Variants in PSD3 observed in about 807,000 individuals in gnomAD.
The protein encoded by PSD3 is pleckstrin and Sec7 domain containing 3, also known as PH and SEC7 domain-containing protein 3.
In PSD3, 49 loss-of-function variants were observed where a neutral mutation model predicts 105.5. The observed-to-expected ratio is 0.46, with a 90% CI of 0.37 to 0.59. PSD3 has a LOEUF of 0.59. Ranked by LOEUF, PSD3 falls within the 20% of genes least tolerant of loss-of-function variation. The probability of loss-of-function intolerance (pLI) is 0.00; values close to 1 mark genes in which losing one functional copy is unlikely to be tolerated. For synonymous variants in PSD3, 557 were observed against 457.8 expected (o/e 1.22, Z -2.77); for missense variants, 1,561 against 1,263.8 (o/e 1.24, Z -3.57).
chr8:18,893,046 C>T (rs1051819969), intron 2 of PSD3, among the ~76,000 whole-genome samples: 1 of 152,254 alleles, frequency 6.6e-6, no homozygotes, highest in African/African-American at 2.4e-5. Flanking sequence ...CTGTTTTGTG[C>T]ACTATTGTAT....
intron 2 of PSD3, among the ~76,000 whole-genome samples, chr8:18,873,464 T>TAC (rs1817527141): frequency 9.3e-6 from 1 of 107,966 alleles, no homozygotes; most frequent in East Asian, 3.9e-4. Flanking sequence ...ATATAAAGTT[T>TAC]ATATATATAT....
At chr8:18,774,854 T>A (rs1807886616) in intron 8 of PSD3, 3 of 456,118 alleles carry the variant, frequency 6.6e-6, no homozygotes, top group South Asian at 4.7e-5. Flanking sequence ...CTTCAGGTTG[T>A]CCAGCTGTCT....
chr8:18,897,147 G>A (rs1207091552), intron 2 of PSD3, among the ~76,000 whole-genome samples: 1 of 152,078 alleles, frequency 6.6e-6, no homozygotes, highest in African/African-American at 2.4e-5. Context: ...TAGCTAGGTT[G>A]ATATAATATC....
intron 9 of PSD3, among the ~76,000 whole-genome samples, chr8:18,752,394 AG>A (rs1272216321): frequency 7.0e-6 from 1 of 142,386 alleles, no homozygotes; most frequent in Non-Finnish European, 1.5e-5. Flanking sequence ...GAATACTGGA[AG>A]GAAGGAGATC....
chr8:18,808,375 C>T (rs1001473648), intron 4 of PSD3, among the ~76,000 whole-genome samples: 10 of 152,130 alleles, frequency 6.6e-5, no homozygotes, highest in Non-Finnish European at 7.4e-5. Flanking sequence ...ACAGTACTGG[C>T]CCAATTTTGT....
intron 2 of PSD3, among the ~76,000 whole-genome samples, chr8:18,882,207 C>CAACAAACAAACA (rs35021958): frequency 6.6e-6 from 1 of 151,296 alleles, no homozygotes; most frequent in African/African-American, 2.4e-5. Context: ...GATTCTGTCT[C>CAACAAACAAACA]AACAAACAAA....
intron 11 of PSD3, among the ~76,000 whole-genome samples, chr8:18,613,013 C>G (rs13261247): frequency 0.32 from 48,778 of 151,944 alleles, 8,116 homozygotes; most frequent in South Asian, 0.5. Flanking sequence ...GGTTGGAAAA[C>G]AGGTCAGAAC....
chr8:18,904,206 C>T (rs897880135), intron 2 of PSD3, among the ~76,000 whole-genome samples: 1 of 152,060 alleles, frequency 6.6e-6, no homozygotes. Flanking sequence ...GTGCTAGGCT[C>T]TTTTAAACAA....
At chr8:18,929,243 C>T (rs1821580199) in intron 2 of PSD3, among the ~76,000 whole-genome samples, 1 of 127,174 alleles carries the variant, frequency 7.9e-6, no homozygotes, top group Non-Finnish European at 1.6e-5. Flanking sequence ...AATAAATTCA[C>T]AACAGTGCTA....
At chr8:18,962,644 G>T (rs151026391) in intron 1 of PSD3, among the ~76,000 whole-genome samples, 2,877 of 152,240 alleles carry the variant, frequency 0.019, 38 homozygotes, top group Non-Finnish European at 0.028. Context: ...ACAGCATCCT[G>T]CCCAGAAGTT....
chr8:18,560,245 A>T (rs1801319512), intron 14 of PSD3, among the ~76,000 whole-genome samples: 1 of 151,934 alleles, frequency 6.6e-6, no homozygotes, highest in Non-Finnish European at 1.5e-5. Flanking sequence ...ACAACAAAAA[A>T]CAATGGTAAA....
intron 10 of PSD3, among the ~76,000 whole-genome samples, chr8:18,642,714 A>G (rs944380562): frequency 3.3e-5 from 5 of 152,240 alleles, no homozygotes; most frequent in Non-Finnish European, 5.9e-5. Context: ...TGTAAAGTAC[A>G]TAACTTTCAT....
At chr8:18,762,709 G>T (rs1036255719) in intron 9 of PSD3, among the ~76,000 whole-genome samples, 11 of 152,186 alleles carry the variant, frequency 7.2e-5, no homozygotes, top group African/African-American at 2.7e-4. Context: ...AGGGCTCAAT[G>T]TATCATCTAT....
chr8:18,628,035 A>T (rs78452933), intron 11 of PSD3, among the ~76,000 whole-genome samples: 3,517 of 152,108 alleles, frequency 0.023, 67 homozygotes, highest in East Asian at 0.088. Flanking sequence ...TGATTATGAA[A>T]TGAAAAATGA....
chr8:18,577,274 A>G (rs902366414), intron 12 of PSD3, among the ~76,000 whole-genome samples: 10 of 152,098 alleles, frequency 6.6e-5, no homozygotes, highest in Non-Finnish European at 1.5e-4. Context: ...AATATGGTCT[A>G]GAAAATCTAT....
chr8:18,864,371 A>G (rs975259022), intron 4 of PSD3, among the ~76,000 whole-genome samples: 1 of 152,216 alleles, frequency 6.6e-6, no homozygotes, highest in African/African-American at 2.4e-5. Flanking sequence ...CCTATAGCTC[A>G]TTATGAGAAC....
intron 1 of PSD3, among the ~76,000 whole-genome samples, chr8:18,996,869 C>T (rs1826104312): frequency 6.6e-6 from 1 of 151,928 alleles, no homozygotes; most frequent in Admixed American, 6.5e-5. Flanking sequence ...TCAGCAATGA[C>T]ATCTCCATTG....
At chr8:18,977,077 T>C (rs1360649216) in intron 1 of PSD3, among the ~76,000 whole-genome samples, 4 of 152,020 alleles carry the variant, frequency 2.6e-5, no homozygotes, top group Admixed American at 2.6e-4. Flanking sequence ...CTGGCCAACA[T>C]GGTGAAACCC....
intron 12 of PSD3, among the ~76,000 whole-genome samples, chr8:18,587,717 CTTAGTGAATGCTCAAT>C (rs1265189207): frequency 1.3e-5 from 2 of 152,086 alleles, no homozygotes; most frequent in African/African-American, 4.8e-5. Context: ...CATCTCATTG[CTTAGTGAATGCTCAAT>C]TTATCTGTTT....
Sources: allele counts gnomAD v4.1 joint callset (sites outside exome capture counted in the v4.1 genomes callset), GRCh38; gene constraint gnomAD v4.1.1; transcripts MANE v1.5; gene names NCBI Gene and HGNC (gene_info 2026-07-23, HGNC 2026-07-21).